Variants in PNRC2 observed in about 807,000 individuals in gnomAD.
PNRC2 encodes the protein proline rich nuclear receptor coactivator 2.
PNRC2 carries 2 observed loss-of-function variants against 12.2 expected under a neutral mutation model. The observed-to-expected ratio is 0.16, with a 90% CI of 0.07 to 0.52. The LOEUF is 0.52. Among genes scored for constraint, PNRC2 ranks in the 20% least tolerant of loss-of-function variants. The probability of loss-of-function intolerance (pLI) is 0.95; values close to 1 mark genes in which losing one functional copy is unlikely to be tolerated. For synonymous variants in PNRC2, 44 were observed against 53.9 expected (o/e 0.82, Z 0.80); for missense variants, 115 against 158.4 (o/e 0.73, Z 1.47).
Position 23,961,971 on chromosome 1 carries a change from T to C in PNRC2, c.*94T>C. ...AGGGAATCTATTTGTGTAGAACTAA[T>C]TAATGTAAAAAAAATAGACCATCTC... On this transcript the variant is annotated 3_prime_UTR_variant, in exon 3 of 3. Coordinates refer to ENST00000334351, the MANE Select transcript of PNRC2 (RefSeq NM_017761.4). The C allele has an allele frequency of 2.7e-6, 2 of 729,354 alleles. No homozygotes were observed. The highest frequency in any genetic ancestry group is 1.9e-5 in the South Asian group (1 of 53,380). The allele number at this position is 729,354 out of a possible 1,614,324, so 45.2% of individuals were successfully genotyped here. A position where few individuals can be genotyped will look rare whatever the true frequency, so the allele number is the denominator to read the frequency against.
At chr1:23,961,377 C>G (rs1194708224) in intron 2 of PNRC2, 63 bp from the exon 3 acceptor site, 5 of 1,210,948 alleles carry the variant, frequency 4.1e-6, no homozygotes, top group Non-Finnish European at 5.8e-6. Flanking sequence ...ATAGAAGCTT[C>G]TTAAAGATTT....
upstream of PNRC2, among the ~76,000 whole-genome samples, chr1:23,959,579 G>T (rs1350481175): frequency 6.6e-6 from 1 of 152,208 alleles, no homozygotes; most frequent in Non-Finnish European, 1.5e-5. Flanking sequence ...GCCTCGGCGG[G>T]CCAGGGGCGC....
chr1:23,961,311 C>T (rs1389071999), intron 2 of PNRC2, 129 bp from the exon 3 acceptor site: 204 of 606,296 alleles, frequency 3.4e-4, no homozygotes, highest in Middle Eastern at 2.2e-3. Context: ...TTTAAAGCAG[C>T]TGAATAGCCT....
intron 1 of PNRC2, among the ~76,000 whole-genome samples, chr1:23,960,725 C>A (rs1431205938): frequency 6.6e-6 from 1 of 152,142 alleles, no homozygotes; most frequent in Non-Finnish European, 1.5e-5. Context: ...TACAAAAATT[C>A]CCCAGGAGTG....
At chr1:23,960,647 G>T (rs1261630511) in intron 1 of PNRC2, among the ~76,000 whole-genome samples, 1 of 152,174 alleles carries the variant, frequency 6.6e-6, no homozygotes, top group South Asian at 2.1e-4. Flanking sequence ...TTTTATACGC[G>T]AGAGAATCTG....
Position 23,962,284 on chromosome 1 carries a change from C to T in PNRC2, c.*407C>T, listed in dbSNP as rs1414698454. The T allele has an allele frequency of 5.6e-6, 1 of 177,678 alleles. No individual in the cohort carries two copies. Among genetic ancestry groups the T allele is most frequent in the South Asian group, 1.6e-4 (1 of 6,316 alleles). 11.0% of individuals were successfully genotyped at this position (177,678 alleles called of 1,614,324 possible). ...GTTTAGTATATTAGAAACACCCAAA[C>T]CAGTAATATGCTAACCTGATGCACT... On this transcript the variant is annotated 3_prime_UTR_variant, in exon 3 of 3. Coordinates refer to ENST00000334351, the MANE Select transcript of PNRC2 (RefSeq NM_017761.4).
chr1:23,960,054 T>A (rs1466748152), intron 1 of PNRC2, 56 bp downstream of exon 1: 3 of 152,226 alleles, frequency 2.0e-5, no homozygotes, highest in Non-Finnish European at 4.4e-5. Context: ...CTCCCCATTG[T>A]TGGAGGAAGG....
upstream of PNRC2, among the ~76,000 whole-genome samples, chr1:23,959,577 G>A (rs6683941): frequency 0.064 from 9,646 of 151,260 alleles, 449 homozygotes; most frequent in East Asian, 0.19. Flanking sequence ...GGGCCTCGGC[G>A]GGCCAGGGGC....
chr1:23,960,082 A>C (rs1487472480), intron 1 of PNRC2, 84 bp downstream of exon 1: 1 of 152,214 alleles, frequency 6.6e-6, no homozygotes, highest in African/African-American at 2.4e-5. Flanking sequence ...CGGAGGCGAG[A>C]TCCGGGTAAC....
intron 1 of PNRC2, among the ~76,000 whole-genome samples, chr1:23,960,563 A>G (rs1267964784): frequency 6.6e-6 from 1 of 152,236 alleles, no homozygotes; most frequent in African/African-American, 2.4e-5. Context: ...GTGGGAGTTT[A>G]AAAACACGGT....
rs1240803743 is a variant in PNRC2, at chr1:23,961,546, A to C, written c.89A>C (p.Lys30Thr). Residue 30 changes from lysine (K) to threonine (T), a missense_variant, in exon 3 of 3, where the codon AAG (lysine) becomes ACG (threonine). Physicochemically the swap from Lys to Thr is moderately conservative, Grantham distance 78. This residue lies in a region of PNRC2 where 98 missense variants were observed against 112.4 expected (regional missense o/e 0.87). Coordinates refer to ENST00000334351, the MANE Select transcript of PNRC2 (RefSeq NM_017761.4). ...NQQQLNRQKT[K>T]EQNSQMKIVH... The stretch of plus-strand genomic sequence containing the variant: ...CAACAGCTTAACAGACAGAAGACCA[A>C]GGAACAGAATTCCCAGATGAAGATT... 28 of 1,613,524 alleles carry C rather than the reference A, an allele frequency of 1.7e-5. No individual in the cohort carries two copies. The highest frequency in any genetic ancestry group is 2.4e-5 in the Non-Finnish European group (28 of 1,179,594).
At chr1:23,959,592 A>G (rs4339811), upstream of PNRC2, among the ~76,000 whole-genome samples, 150,710 of 152,296 alleles carry the variant, frequency 0.99, 74,586 homozygotes, top group East Asian at 1. Context: ...AGGGGCGCGG[A>G]GAGGCCGCCG....
rs1362329063 is a variant in PNRC2 at position 23,963,389 on chromosome 1, A to G, written c.*1512A>G. 1 of 150,530 alleles carries G rather than the reference A, an allele frequency of 6.6e-6. No homozygotes were observed. 9.3% of individuals were successfully genotyped at this position (150,530 alleles called of 1,614,324 possible). A position where few individuals can be genotyped will look rare whatever the true frequency, so the allele number is the denominator to read the frequency against. On this transcript the variant is annotated 3_prime_UTR_variant, in exon 3 of 3. Coordinates refer to ENST00000334351, the MANE Select transcript of PNRC2 (RefSeq NM_017761.4). ...CTAAAGACAAGTTTATGTAGTACTT[A>G]ATGTACATGATATGAATGTGAAGCA...
In PNRC2 at chr1:23,961,832, A is replaced by G; in HGVS notation, c.375A>G (p.Glu125=). The G allele has an allele frequency of 6.3e-7, 1 of 1,593,554 alleles. No individual in the cohort carries two copies. Among genetic ancestry groups the G allele is most frequent in the South Asian group, 1.1e-5 (1 of 89,984 alleles). The change falls in exon 3 of 3, where the codon GAA becomes GAG. Residue 125 remains glutamate (E), a synonymous_variant. Transcript: ENST00000334351. ...VPVSFNPSDK[E]IMTFQLKTLL... ...TTTCCTTTAATCCTTCAGATAAGGA[A>G]ATAATGACATTTCAACTTAAAACCT...
At chr1:23,960,113 A>ACGGGCGGTCG (rs1553147017) in intron 1 of PNRC2, 115 bp downstream of exon 1, 3 of 152,176 alleles carry the variant, frequency 2.0e-5, no homozygotes, top group African/African-American at 4.8e-5. Flanking sequence ...GCGGGCGGTC[A>ACGGGCGGTCG]CGGGCGGTCG....
intron 1 of PNRC2, 36 bp from the exon 2 acceptor site, chr1:23,960,893 G>GT: frequency 2.5e-6 from 1 of 398,288 alleles, no homozygotes; most frequent in Non-Finnish European, 4.4e-6. Flanking sequence ...TTCTCAACGT[G>GT]TTTTTGAAAT....
chr1:23,960,809 AT>A, intron 1 of PNRC2, 119 bp from the exon 2 acceptor site: 1 of 393,306 alleles, frequency 2.5e-6, no homozygotes. Flanking sequence ...CTTACGAGAA[AT>A]TTTCTACCTT....
chr1:23,963,042 C>CCT lies in PNRC2; in HGVS notation c.*1166_*1167dup, dbSNP rs1641310865. On this transcript the variant is annotated 3_prime_UTR_variant, in exon 3 of 3. Coordinates refer to ENST00000334351, the MANE Select transcript of PNRC2 (RefSeq NM_017761.4). ...ATTGTTGGCTTTCACAATCTTATAA[C>CCT]CTAGGATACAGGTAGTTTCGAGTAT... 1.2e-5 allele frequency: 2 copies of CCT among 166,926 alleles called. No homozygotes were observed. The highest frequency in any genetic ancestry group is 2.9e-5 in the Non-Finnish European group (2 of 68,048). The allele number at this position is 166,926 out of a possible 1,614,324, so 10.3% of individuals were successfully genotyped here.
In PNRC2 at chr1:23,962,972, C is replaced by T. The variant is rs1282939995; in HGVS notation, c.*1095C>T. 1.2e-5 allele frequency: 2 copies of T among 166,522 alleles called. No homozygotes were observed. The highest frequency in any genetic ancestry group is 2.1e-4 in the South Asian group (1 of 4,822). 10.3% of individuals were successfully genotyped at this position (166,522 alleles called of 1,614,324 possible). ...TGCAGTATGGGACTATCTTTTTTTCCTCCTCTAAGCCCAAAGATTAACTAG... is the reference window on the plus strand; with the variant it reads ...TGCAGTATGGGACTATCTTTTTTTCTTCCTCTAAGCCCAAAGATTAACTAG... On this transcript the variant is annotated 3_prime_UTR_variant, in exon 3 of 3. Coordinates refer to ENST00000334351, the MANE Select transcript of PNRC2 (RefSeq NM_017761.4).
Sources: gnomAD v4.1 joint callset for allele counts (sites outside exome capture counted in the v4.1 genomes callset) on GRCh38, gnomAD v4.1.1 for gene constraint, gnomAD v4.1.1 regional missense constraint, MANE v1.5 for transcripts, NCBI Gene and HGNC (gene_info 2026-07-23, HGNC 2026-07-21) for gene names.